Variants in CDH12 observed in about 807,000 individuals in gnomAD.
The protein encoded by CDH12 is cadherin-12.
CDH12 carries 41 observed loss-of-function variants against 74.1 expected under a neutral mutation model. That is an observed-to-expected ratio of 0.55 (90% CI 0.43 to 0.72). The LOEUF (loss-of-function observed/expected upper bound fraction) is 0.72, where lower values mean the gene tolerates loss of function less well. Among genes scored for constraint, CDH12 ranks in the 30% least tolerant of loss-of-function variants. CDH12 has a pLI of 0.00. For missense variants in CDH12, 945 were observed against 977.2 expected, an observed-to-expected ratio of 0.97 and a Z score of 0.44; for synonymous variants, 399 against 355.0, an observed-to-expected ratio of 1.12 and a Z score of -1.39.
chr5:21,938,926 C>T (rs1218642388), intron 6 of CDH12, among the ~76,000 whole-genome samples: 1 of 150,552 alleles, frequency 6.6e-6, no homozygotes, highest in African/African-American at 2.4e-5. Flanking sequence ...AACTATTATA[C>T]TTCCAGATGC....
rs567373459 is a variant in CDH12, at chr5:22,290,057, G to T, written c.-332-77414C>A. Among the ~76,000 whole-genome samples, 9 of 152,262 alleles carry T rather than the reference G, an allele frequency of 5.9e-5. No individual in the cohort carries two copies. The South Asian group carries it at 1.9e-3, about 32-fold the overall frequency. Reference sequence around the variant, plus strand: ...CCCAGTGCCACAACTGCTACATTGAGCCCTGGGCTTTTGAAAACACCATGC... The same window carrying T: ...CCCAGTGCCACAACTGCTACATTGATCCCTGGGCTTTTGAAAACACCATGC... On this transcript the variant is annotated intron_variant, in intron 3 of 14. Coordinates refer to ENST00000382254, the MANE Select transcript of CDH12 (RefSeq NM_004061.5).
At chr5:22,451,445 ACCT>A (rs1381016098) in intron 2 of CDH12, among the ~76,000 whole-genome samples, 2 of 151,962 alleles carry the variant, frequency 1.3e-5, no homozygotes, top group African/African-American at 4.8e-5. Context: ...ATGATCTAGC[ACCT>A]CAATAGAATC....
intron 1 of CDH12, among the ~76,000 whole-genome samples, chr5:22,752,390 T>G (rs1307860134): frequency 6.6e-6 from 1 of 151,794 alleles, no homozygotes; most frequent in Non-Finnish European, 1.5e-5. Context: ...ATGAGTTTCA[T>G]GAAGCATGAT....
intron 3 of CDH12, among the ~76,000 whole-genome samples, chr5:22,240,405 G>T (rs561717194): frequency 6.6e-6 from 1 of 152,192 alleles, no homozygotes; most frequent in South Asian, 2.1e-4. Context: ...CGAGAAAGGA[G>T]GTAATTCTAA....
At chr5:22,140,611 T>C (rs1746734877) in intron 4 of CDH12, among the ~76,000 whole-genome samples, 1 of 152,196 alleles carries the variant, frequency 6.6e-6, no homozygotes, top group African/African-American at 2.4e-5. Flanking sequence ...CATTTCTTTA[T>C]TGCTGTTATT....
chr5:22,257,088 C>G (rs1362500101), intron 3 of CDH12, among the ~76,000 whole-genome samples: 1 of 152,132 alleles, frequency 6.6e-6, no homozygotes, highest in African/African-American at 2.4e-5. Context: ...ATGCAAATGC[C>G]ACATGTTCTC....
At chr5:22,602,492 TAATCTTG>T in intron 1 of CDH12, among the ~76,000 whole-genome samples, 1 of 152,266 alleles carries the variant, frequency 6.6e-6, no homozygotes, top group Non-Finnish European at 1.5e-5. Flanking sequence ...AGGTTCAAGG[TAATCTTG>T]TCAACTATTC....
At chr5:22,134,351 G>T (rs1443736065) in intron 4 of CDH12, among the ~76,000 whole-genome samples, 4 of 152,024 alleles carry the variant, frequency 2.6e-5, no homozygotes, top group Non-Finnish European at 5.9e-5. Flanking sequence ...TTCACTGGCA[G>T]GTCTCATTCA....
At chr5:21,902,806 T>G (rs957585878) in intron 6 of CDH12, among the ~76,000 whole-genome samples, 3 of 152,142 alleles carry the variant, frequency 2.0e-5, no homozygotes, top group Non-Finnish European at 2.9e-5. Context: ...GCTATTATGT[T>G]GGAGAGTATG....
intron 5 of CDH12, among the ~76,000 whole-genome samples, chr5:22,026,379 C>A (rs1738356025): frequency 6.6e-6 from 1 of 152,066 alleles, no homozygotes; most frequent in African/African-American, 2.4e-5. Context: ...TGGTTAAATC[C>A]AAGACAGCAT....
intron 3 of CDH12, among the ~76,000 whole-genome samples, chr5:22,270,894 T>G (rs2150400117): frequency 6.6e-6 from 1 of 152,154 alleles, no homozygotes; most frequent in East Asian, 2.0e-4. Context: ...CAGGCTAGTC[T>G]TGAACTCCTG....
chr5:22,746,424 A>C (rs1745299906), intron 1 of CDH12, among the ~76,000 whole-genome samples: 1 of 152,202 alleles, frequency 6.6e-6, no homozygotes, highest in Admixed American at 6.5e-5. Flanking sequence ...TTATGTTTCT[A>C]TCTGGTTTAT....
chr5:22,447,998 A>AAAAAAAAT (rs1163689329), intron 2 of CDH12, among the ~76,000 whole-genome samples: 1 of 148,264 alleles, frequency 6.7e-6, no homozygotes, highest in East Asian at 2.0e-4. Flanking sequence ...AAAAAAAAAA[A>AAAAAAAAT]AAAAAAAGCC....
chr5:21,764,651 G>GAAAA (rs369895363), intron 12 of CDH12, among the ~76,000 whole-genome samples: 2 of 110,070 alleles, frequency 1.8e-5, no homozygotes, highest in Admixed American at 1.0e-4. Flanking sequence ...TTCATATCAA[G>GAAAA]AAAAAAAAAA....
At chr5:22,446,700 T>C (rs1405628670) in intron 2 of CDH12, among the ~76,000 whole-genome samples, 5 of 152,120 alleles carry the variant, frequency 3.3e-5, no homozygotes, top group Non-Finnish European at 1.5e-5. Flanking sequence ...ATTGCTATAA[T>C]TGTCCAATCG....
At chr5:21,994,472 C>T (rs1025127930) in intron 5 of CDH12, among the ~76,000 whole-genome samples, 9 of 152,140 alleles carry the variant, frequency 5.9e-5, no homozygotes. Context: ...AAGTGACCCC[C>T]AAAACACAAT....
intron 10 of CDH12, among the ~76,000 whole-genome samples, chr5:21,795,996 T>G (rs901269364): frequency 6.6e-6 from 1 of 152,078 alleles, no homozygotes; most frequent in South Asian, 2.1e-4. Flanking sequence ...TTTTAACAAC[T>G]AATTAGTATA....
In CDH12 at chr5:22,135,818, CAGT is replaced by C. The variant is rs200377555; in HGVS notation, c.-186-56959_-186-56957del. On this transcript the variant is annotated intron_variant, in intron 4 of 14. Coordinates refer to ENST00000382254, the MANE Select transcript of CDH12 (RefSeq NM_004061.5). ...TTTGTTTGGCAACTATTAGATAAAA[CAGT>C]TGTGAGGTTACAGCAGGCACTTTCA... Among the ~76,000 whole-genome samples, 1,193 of 152,076 alleles carry C rather than the reference CAGT, an allele frequency of 7.8e-3. 14 individuals carry two copies. Among genetic ancestry groups the C allele is most frequent in the African/African-American group, 0.027 (1,141 of 41,512 alleles).
intron 1 of CDH12, among the ~76,000 whole-genome samples, chr5:22,694,624 A>C (rs1477995282): frequency 6.6e-6 from 1 of 152,028 alleles, no homozygotes; most frequent in African/African-American, 2.4e-5. Context: ...AGTTAATTGA[A>C]GAGTTACTTT....
Sources: gnomAD v4.1 joint callset for allele counts (sites outside exome capture counted in the v4.1 genomes callset) on GRCh38, gnomAD v4.1.1 for gene constraint, MANE v1.5 for transcripts, NCBI Gene and HGNC (gene_info 2026-07-23, HGNC 2026-07-21) for gene names.